COL4A5: variants seen among roughly 807,000 people sequenced by gnomAD.
COL4A5 encodes the protein collagen type IV alpha 5 chain.
Under a neutral mutation model 130.2 loss-of-function variants are expected in COL4A5, and 26 were observed. That is an observed-to-expected ratio of 0.20 (90% CI 0.15 to 0.28). COL4A5 has a LOEUF of 0.28. Among genes scored for constraint, COL4A5 ranks in the 10% least tolerant of loss-of-function variants. The pLI, the probability that COL4A5 is intolerant of heterozygous loss-of-function variation, is 1.00. For synonymous variants in COL4A5, 496 were observed against 439.6 expected (o/e 1.13, Z -1.60); for missense variants, 1,131 against 1,344.3 (o/e 0.84, Z 2.48).
At chrX:108,658,993 G>A (rs769546725) in intron 37 of COL4A5, among the ~76,000 whole-genome samples, 29 of 110,800 alleles carry the variant, frequency 2.6e-4, no homozygotes, top group Non-Finnish European at 4.6e-4. Flanking sequence ...TTAAATCATA[G>A]ATTTTTCAGC....
intron 1 of COL4A5, among the ~76,000 whole-genome samples, chrX:108,467,340 C>A (rs73541621): frequency 0.1 from 11,626 of 111,357 alleles, 1,301 homozygotes; most frequent in African/African-American, 0.34. Flanking sequence ...CTAGACTCTC[C>A]GTTCTATCTC....
intron 1 of COL4A5, among the ~76,000 whole-genome samples, chrX:108,484,934 T>C (rs147195886): frequency 0.03 from 3,363 of 112,244 alleles, 118 homozygotes; most frequent in African/African-American, 0.1. Flanking sequence ...GTCAGGGAGC[T>C]AGGGACTGGA....
intron 18 of COL4A5, among the ~76,000 whole-genome samples, chrX:108,586,279 C>T (rs949048134): frequency 9.0e-6 from 1 of 111,700 alleles, no homozygotes; most frequent in Non-Finnish European, 1.9e-5. Flanking sequence ...GATAATATAG[C>T]TGTGGCAGCA....
At chrX:108,626,372 A>C (rs1205167530) in intron 36 of COL4A5, 23 bp downstream of exon 36, 1 of 1,207,454 alleles carries the variant, frequency 8.3e-7, no homozygotes, top group Non-Finnish European at 1.1e-6. Flanking sequence ...ATATAGTTTT[A>C]GGCACATACT....
intron 1 of COL4A5, among the ~76,000 whole-genome samples, chrX:108,523,205 T>C (rs1156783422): frequency 9.0e-6 from 1 of 111,701 alleles, no homozygotes; most frequent in Non-Finnish European, 1.9e-5. Context: ...TGTTTTCTTC[T>C]AAGAGTTTTA....
At chrX:108,683,926 A>G (rs1427692995) in intron 47 of COL4A5, among the ~76,000 whole-genome samples, 1 of 111,816 alleles carries the variant, frequency 8.9e-6, no homozygotes, top group Non-Finnish European at 1.9e-5. Context: ...TTCCAATACT[A>G]TGTTGAATAG....
intron 1 of COL4A5, among the ~76,000 whole-genome samples, chrX:108,456,972 C>T (rs1440403750): frequency 9.0e-6 from 1 of 111,311 alleles, no homozygotes; most frequent in Non-Finnish European, 1.9e-5. Flanking sequence ...GTAGATTGGA[C>T]CAGCACAGGC....
intron 4 of COL4A5, among the ~76,000 whole-genome samples, chrX:108,567,904 A>G (rs755700959): frequency 2.8e-4 from 31 of 111,992 alleles, no homozygotes; most frequent in African/African-American, 9.7e-4. Context: ...TTGGGTGAGG[A>G]CACAGCAAAA....
chrX:108,598,147 C>T (rs2066554712), intron 24 of COL4A5, among the ~76,000 whole-genome samples: 1 of 110,896 alleles, frequency 9.0e-6, no homozygotes, highest in African/African-American at 3.3e-5. Context: ...GCCGAGATTG[C>T]ACCACTGCAC....
intron 9 of COL4A5, 135 bp from the exon 10 acceptor site, chrX:108,575,775 C>T (rs958882737): frequency 3.8e-5 from 18 of 469,140 alleles, no homozygotes; most frequent in African/African-American, 1.5e-4. Flanking sequence ...AGGCGGAGGT[C>T]GCAGTGAGTT....
At chrX:108,448,069 C>T (rs1352768405) in intron 1 of COL4A5, among the ~76,000 whole-genome samples, 1 of 112,072 alleles carries the variant, frequency 8.9e-6, no homozygotes, top group Non-Finnish European at 1.9e-5. Flanking sequence ...CCTTTAGCAG[C>T]TTCTGCTGGC....
At chrX:108,575,376 T>A (rs1320670428) in intron 9 of COL4A5, among the ~76,000 whole-genome samples, 1 of 112,246 alleles carries the variant, frequency 8.9e-6, no homozygotes, top group Non-Finnish European at 1.9e-5. Context: ...TTTTCCTTAT[T>A]ATTTGTCTTA....
intron 33 of COL4A5, 96 bp downstream of exon 33, chrX:108,622,921 C>T (rs1046412158): frequency 1.2e-5 from 10 of 831,314 alleles, no homozygotes; most frequent in Non-Finnish European, 1.7e-5. Context: ...CAGAATTCAC[C>T]AACAAAGGCA....
chrX:108,535,862 T>A (rs766827282), intron 1 of COL4A5, among the ~76,000 whole-genome samples: 1 of 111,171 alleles, frequency 9.0e-6, no homozygotes, highest in East Asian at 2.8e-4. Context: ...ATTTTTTTTT[T>A]AAGTAAGCAT....
intron 49 of COL4A5, among the ~76,000 whole-genome samples, chrX:108,688,932 C>T (rs769370899): frequency 2.7e-5 from 3 of 111,727 alleles, no homozygotes; most frequent in Non-Finnish European, 3.8e-5. Context: ...TTTTCCAAGG[C>T]ATATGGCCAC....
At chrX:108,575,805 C>G in intron 9 of COL4A5, 105 bp from the exon 10 acceptor site, 1 of 575,607 alleles carries the variant, frequency 1.7e-6, no homozygotes, top group Admixed American at 2.7e-5. Flanking sequence ...CCATTGCACT[C>G]CAGCCTGGGC....
chrX:108,595,795 T>C (rs1245465541), intron 22 of COL4A5, among the ~76,000 whole-genome samples, 194 bp downstream of exon 22: 1 of 112,696 alleles, frequency 8.9e-6, no homozygotes, highest in Non-Finnish European at 1.9e-5. Flanking sequence ...ACCAATATAT[T>C]CTATTAAAGC....
chrX:108,687,820 C>A, intron 49 of COL4A5, 126 bp downstream of exon 49: 1 of 584,786 alleles, frequency 1.7e-6, no homozygotes, highest in Non-Finnish European at 2.9e-6. Flanking sequence ...GAATTGAAAA[C>A]CATGTCAAAG....
chrX:108,479,920 G>T (rs1378178831), intron 1 of COL4A5, among the ~76,000 whole-genome samples: 1 of 111,518 alleles, frequency 9.0e-6, no homozygotes, highest in African/African-American at 3.3e-5. Context: ...GGATGGCAGG[G>T]TCTTGGTCCA....
Sources: allele counts gnomAD v4.1 joint callset (sites outside exome capture counted in the v4.1 genomes callset), GRCh38; gene constraint gnomAD v4.1.1; transcripts MANE v1.5; gene names NCBI Gene and HGNC (gene_info 2026-07-23, HGNC 2026-07-21).